PSD3: variants seen among roughly 807,000 people sequenced by gnomAD.
PSD3 encodes PH and SEC7 domain-containing protein 3.
A neutral mutation model predicts 105.5 loss-of-function variants in PSD3; 49 were observed. That is an observed-to-expected ratio of 0.46 (90% CI 0.37 to 0.59). The LOEUF (loss-of-function observed/expected upper bound fraction) is 0.59, where lower values mean the gene tolerates loss of function less well. Among genes scored for constraint, PSD3 ranks in the 20% least tolerant of loss-of-function variants. The pLI, the probability that PSD3 is intolerant of heterozygous loss-of-function variation, is 0.00. For synonymous variants in PSD3, 557 were observed against 457.8 expected, an observed-to-expected ratio of 1.22 and a Z score of -2.77; for missense variants, 1,561 against 1,263.8, an observed-to-expected ratio of 1.24 and a Z score of -3.57.
chr8:18,991,843 G>T (rs532524687), intron 1 of PSD3, among the ~76,000 whole-genome samples: 4 of 152,242 alleles, frequency 2.6e-5, no homozygotes, highest in Admixed American at 6.5e-5. Flanking sequence ...TAATGGCTGT[G>T]CTTTTATTGA....
At chr8:19,063,125 G>T (rs1362628940) in intron 1 of PSD3, among the ~76,000 whole-genome samples, 10 of 152,222 alleles carry the variant, frequency 6.6e-5, no homozygotes, top group African/African-American at 2.2e-4. Flanking sequence ...TCAGAGTTGA[G>T]AGTTCCATTG....
intron 4 of PSD3, among the ~76,000 whole-genome samples, chr8:18,828,977 TGGGC>T (rs1367629140): frequency 1.3e-5 from 2 of 151,924 alleles, no homozygotes; most frequent in African/African-American, 4.8e-5. Context: ...GAGGCTGAGG[TGGGC>T]GGACGGCTTG....
chr8:18,703,710 GTTGT>G lies in PSD3; in HGVS notation c.2173-48029_2173-48026del, dbSNP rs369861676. Among the ~76,000 whole-genome samples, 160 of 152,232 alleles carry G rather than the reference GTTGT, an allele frequency of 1.1e-3. 1 individual carries two copies. Among genetic ancestry groups the G allele is most frequent in the Middle Eastern group, 3.4e-3 (1 of 294 alleles). On this transcript the variant is annotated intron_variant, in intron 9 of 15. Coordinates refer to ENST00000327040, the MANE Select transcript of PSD3 (RefSeq NM_015310.4). ...CCGAGAAGATGGTGGCTAACCTTTA[GTTGT>G]TTATTTTTTAAAATAAGTAAAATAA... is the stretch of plus-strand genomic sequence containing the variant.
chr8:18,568,319 T>C (rs567410026), intron 14 of PSD3, among the ~76,000 whole-genome samples: 1 of 152,286 alleles, frequency 6.6e-6, no homozygotes, highest in South Asian at 2.1e-4. Flanking sequence ...TCTCCCTGTT[T>C]GTATTAAATC....
chr8:18,575,358 A>C, intron 12 of PSD3, 73 bp from the exon 13 acceptor site: 1 of 1,401,922 alleles, frequency 7.1e-7, no homozygotes, highest in African/African-American at 1.5e-5. Context: ...AAAAGCAAAA[A>C]CTAAAAAAAT....
At chr8:18,641,134 A>G (rs1316293647) in intron 10 of PSD3, among the ~76,000 whole-genome samples, 1 of 152,194 alleles carries the variant, frequency 6.6e-6, no homozygotes, top group Non-Finnish European at 1.5e-5. Flanking sequence ...AACATTACAG[A>G]AGGGTAGGGG....
chr8:19,032,106 C>G (rs759404336), intron 1 of PSD3, among the ~76,000 whole-genome samples: 6 of 152,128 alleles, frequency 3.9e-5, no homozygotes, highest in Non-Finnish European at 7.4e-5. Flanking sequence ...AATCTGAAAC[C>G]AATGGACCCT....
chr8:18,984,390 A>T (rs1825394847), intron 1 of PSD3, among the ~76,000 whole-genome samples: 1 of 152,058 alleles, frequency 6.6e-6, no homozygotes, highest in Non-Finnish European at 1.5e-5. Context: ...TTATGGTACA[A>T]ATTTATAGCC....
At chr8:18,685,251 T>A (rs1007641927) in intron 9 of PSD3, among the ~76,000 whole-genome samples, 4 of 152,352 alleles carry the variant, frequency 2.6e-5, no homozygotes, top group African/African-American at 9.6e-5. Context: ...ATTAATTTTT[T>A]AAAAAATGGT....
At chr8:18,683,746 A>C (rs1401894424) in intron 9 of PSD3, 1 of 761,278 alleles carries the variant, frequency 1.3e-6, no homozygotes, top group Admixed American at 1.7e-5. Flanking sequence ...CACAGCTGTC[A>C]ATAAGGTTCA....
chr8:18,761,125 A>C (rs1313351526), intron 9 of PSD3, among the ~76,000 whole-genome samples: 1 of 152,228 alleles, frequency 6.6e-6, no homozygotes, highest in East Asian at 1.9e-4. Context: ...ATCAAACGTC[A>C]GGTTTAAAAA....
chr8:18,791,815 G>C (rs1482432473), intron 8 of PSD3, among the ~76,000 whole-genome samples: 1 of 152,140 alleles, frequency 6.6e-6, no homozygotes. Flanking sequence ...GAAAAATTTT[G>C]TAATTTATCC....
intron 1 of PSD3, among the ~76,000 whole-genome samples, chr8:19,047,334 G>T (rs1167089160): frequency 2.0e-5 from 3 of 152,132 alleles, no homozygotes; most frequent in Non-Finnish European, 4.4e-5. Flanking sequence ...AGATTTCACC[G>T]CAAGTAAAGG....
Position 18,804,693 on chromosome 8 carries a change from T to TC in PSD3, c.1829+10dup. 1 of 1,613,550 alleles carries TC rather than the reference T, an allele frequency of 6.2e-7. No homozygotes were observed. Among genetic ancestry groups the TC allele is most frequent in the African/African-American group, 1.3e-5 (1 of 75,026 alleles). On this transcript the variant is annotated intron_variant, in intron 5 of 15. Transcript: ENST00000327040. Reference sequence around the variant, plus strand: ...AGAGAATTCAGACTCCAGCAATGGGTCAGAACGTACTTCTTGCCAAGGTGT... The same window carrying TC: ...AGAGAATTCAGACTCCAGCAATGGGTCCAGAACGTACTTCTTGCCAAGGTGT...
At position 18,556,254 on chromosome 8, in the gene PSD3, C is replaced by T; in HGVS notation, c.2883G>A (p.Lys961=). 4 of 1,614,142 alleles carry T rather than the reference C, an allele frequency of 2.5e-6. No homozygotes were observed. The highest frequency in any genetic ancestry group is 1.1e-5 in the South Asian group (1 of 91,076). The stretch of plus-strand genomic sequence containing the variant: ...CTTTCAGTTTGTACTCATCGACGTC[C>T]TTGGCTTTGACCTTCTTGTCGGGGG... ...SYPPDKKVKA[K]DVDEYKLKDH... Residue 961 remains lysine (K), a synonymous_variant, in exon 15 of 16, where the codon AAG becomes AAA. Coordinates refer to ENST00000327040, the MANE Select transcript of PSD3 (RefSeq NM_015310.4).
intron 1 of PSD3, among the ~76,000 whole-genome samples, chr8:18,945,993 G>C (rs1822833090): frequency 6.6e-6 from 1 of 152,068 alleles, no homozygotes; most frequent in South Asian, 2.1e-4. Flanking sequence ...TAATAAATAA[G>C]TTCACATTCA....
chr8:18,750,864 G>C (rs1211693883), intron 9 of PSD3, among the ~76,000 whole-genome samples: 4 of 152,112 alleles, frequency 2.6e-5, no homozygotes, highest in Non-Finnish European at 4.4e-5. Flanking sequence ...GTGCTGATTG[G>C]TGTATTTACA....
chr8:18,726,148 T>G (rs190567479), intron 9 of PSD3, among the ~76,000 whole-genome samples: 4 of 152,360 alleles, frequency 2.6e-5, no homozygotes, highest in African/African-American at 4.8e-5. Flanking sequence ...ACCACTTCCC[T>G]AAACCCAGAA....
At chr8:18,756,438 C>G (rs577257032) in intron 9 of PSD3, among the ~76,000 whole-genome samples, 1 of 152,260 alleles carries the variant, frequency 6.6e-6, no homozygotes, top group Admixed American at 6.5e-5. Context: ...GGATTTAAAT[C>G]TGAACATTCT....
Sources: gnomAD v4.1 joint callset for allele counts (sites outside exome capture counted in the v4.1 genomes callset) on GRCh38, gnomAD v4.1.1 for gene constraint, MANE v1.5 for transcripts, NCBI Gene and HGNC (gene_info 2026-07-23, HGNC 2026-07-21) for gene names.